A1CF: variants seen among roughly 807,000 people sequenced by gnomAD.
A1CF encodes the protein APOBEC-1 stimulating protein.
A1CF carries 48 observed loss-of-function variants against 68.9 expected under a neutral mutation model. That is an observed-to-expected ratio of 0.70 (90% CI 0.55 to 0.89). The LOEUF (loss-of-function observed/expected upper bound fraction) is 0.89, where lower values mean the gene tolerates loss of function less well. Among genes scored for constraint, A1CF ranks in the 40% least tolerant of loss-of-function variants. The probability of loss-of-function intolerance (pLI) is 0.00; values close to 1 mark genes in which losing one functional copy is unlikely to be tolerated. For missense variants in A1CF, 653 were observed against 718.9 expected, an observed-to-expected ratio of 0.91 and a Z score of 1.05; for synonymous variants, 272 against 260.4, an observed-to-expected ratio of 1.04 and a Z score of -0.43.
At chr10:50,842,037 T>C (rs1337993041) in intron 4 of A1CF, 45 bp from the exon 5 acceptor site, 4 of 1,539,146 alleles carry the variant, frequency 2.6e-6, no homozygotes, top group Non-Finnish European at 3.6e-6. Context: ...ACGTTTGTAC[T>C]TCTGAATGTA....
chr10:50,863,614 A>G (rs548704034), intron 2 of A1CF, among the ~76,000 whole-genome samples: 1 of 152,292 alleles, frequency 6.6e-6, no homozygotes, highest in Non-Finnish European at 1.5e-5. Context: ...CCCCCAAAAT[A>G]TCATGGAGTT....
chr10:50,801,867 A>G lies in A1CF; in HGVS notation c.*4862T>C, dbSNP rs1257943934. On this transcript the variant is annotated 3_prime_UTR_variant, in exon 13 of 13. Coordinates refer to ENST00000373997, the MANE Select transcript of A1CF (RefSeq NM_014576.4). ...GAATTTCATTATTAGTGAGAGTACA[A>G]GGTTTTCTTTTAGCTTTCCTACAAA... The G allele has an allele frequency of 6.6e-6, 1 of 152,134 alleles. No homozygotes were observed. Among genetic ancestry groups the G allele is most frequent in the East Asian group, 1.9e-4 (1 of 5,188 alleles). The allele number at this position is 152,134 out of a possible 1,614,324, so 9.4% of individuals were successfully genotyped here. A position where few individuals can be genotyped will look rare whatever the true frequency, so the allele number is the denominator to read the frequency against.
At chr10:50,811,543 T>C (rs1339564195) in intron 10 of A1CF, among the ~76,000 whole-genome samples, 1 of 152,222 alleles carries the variant, frequency 6.6e-6, no homozygotes, top group Non-Finnish European at 1.5e-5. Context: ...ATTATTACTC[T>C]CAATCTCTGT....
At chr10:50,842,674 T>C (rs1267409507) in intron 4 of A1CF, among the ~76,000 whole-genome samples, 1 of 152,212 alleles carries the variant, frequency 6.6e-6, no homozygotes, top group East Asian at 1.9e-4. Flanking sequence ...GAAATCTCCA[T>C]AGTTTAATTT....
chr10:50,880,454 C>T (rs565024152), intron 1 of A1CF, among the ~76,000 whole-genome samples: 2 of 152,094 alleles, frequency 1.3e-5, no homozygotes, highest in South Asian at 2.1e-4. Context: ...TTATCATCAT[C>T]GTAGGGTGCC....
At chr10:50,839,964 A>G (rs901943081) in intron 5 of A1CF, among the ~76,000 whole-genome samples, 1 of 151,712 alleles carries the variant, frequency 6.6e-6, no homozygotes, top group African/African-American at 2.4e-5. Flanking sequence ...CTGGTCTCAA[A>G]CTCCCAACCT....
chr10:50,848,365 A>C (rs1039439765), intron 3 of A1CF, among the ~76,000 whole-genome samples: 1 of 152,212 alleles, frequency 6.6e-6, no homozygotes, highest in African/African-American at 2.4e-5. Flanking sequence ...TATCATTCTC[A>C]ATTTGGTGAA....
chr10:50,828,312 C>A lies in A1CF; in HGVS notation c.605-17G>T. 1 of 1,514,652 alleles carries A rather than the reference C, an allele frequency of 6.6e-7. No individual in the cohort carries two copies. The highest frequency in any genetic ancestry group is 8.9e-7 in the Non-Finnish European group (1 of 1,120,558). 93.8% of individuals were successfully genotyped at this position (1,514,652 alleles called of 1,614,324 possible). A position where few individuals can be genotyped will look rare whatever the true frequency, so the allele number is the denominator to read the frequency against. On this transcript the variant is annotated splice_polypyrimidine_tract_variant and intron_variant, in intron 6 of 12. Transcript: ENST00000373997. Reference sequence around the variant, plus strand: ...GAATTCTTCCTGTTGAAAATGATCACCATTATGATTAATTATGTAGGAATC... The same window carrying A: ...GAATTCTTCCTGTTGAAAATGATCAACATTATGATTAATTATGTAGGAATC...
intron 2 of A1CF, among the ~76,000 whole-genome samples, chr10:50,860,721 T>G (rs929845893): frequency 6.6e-6 from 1 of 152,214 alleles, no homozygotes; most frequent in Non-Finnish European, 1.5e-5. Flanking sequence ...TTTCAGCATT[T>G]CATTGTCTAC....
chr10:50,854,252 G>A (rs1406324469), intron 3 of A1CF, among the ~76,000 whole-genome samples: 1 of 151,844 alleles, frequency 6.6e-6, no homozygotes, highest in African/African-American at 2.4e-5. Flanking sequence ...ATTCTTTACT[G>A]TATGTGAATA....
intron 2 of A1CF, chr10:50,862,755 C>A (rs41304623): frequency 6.6e-6 from 1 of 152,196 alleles, no homozygotes; most frequent in Admixed American, 6.5e-5. Flanking sequence ...TTAACTCTTG[C>A]TTTTTTCCCA....
chr10:50,821,827 G>A (rs1461039599), intron 7 of A1CF, among the ~76,000 whole-genome samples: 1 of 152,106 alleles, frequency 6.6e-6, no homozygotes, highest in Non-Finnish European at 1.5e-5. Context: ...ATGAGCCACC[G>A]TGCCTGGCCC....
chr10:50,878,197 C>A (rs1188135649), intron 1 of A1CF, among the ~76,000 whole-genome samples: 1 of 152,136 alleles, frequency 6.6e-6, no homozygotes, highest in African/African-American at 2.4e-5. Flanking sequence ...CTACTACAAG[C>A]CAGTGATGGG....
intron 3 of A1CF, among the ~76,000 whole-genome samples, chr10:50,849,094 T>C (rs867046302): frequency 1.3e-5 from 2 of 152,180 alleles, no homozygotes; most frequent in African/African-American, 4.8e-5. Context: ...ATAGATAGTT[T>C]AAGGAAAGTC....
At chr10:50,879,261 A>G (rs1841663412) in intron 1 of A1CF, among the ~76,000 whole-genome samples, 1 of 152,210 alleles carries the variant, frequency 6.6e-6, no homozygotes, top group Non-Finnish European at 1.5e-5. Flanking sequence ...TAGCAGCCCA[A>G]TTATTTTTTC....
intron 3 of A1CF, chr10:50,850,722 G>T (rs1840201402): frequency 6.2e-7 from 1 of 1,613,928 alleles, no homozygotes. Context: ...CTTTTTTGAG[G>T]CCAGGAATTG....
chr10:50,844,783 C>T (rs1036897560), intron 3 of A1CF, among the ~76,000 whole-genome samples: 2 of 152,120 alleles, frequency 1.3e-5, no homozygotes, highest in African/African-American at 4.8e-5. Flanking sequence ...TAGTTACTGT[C>T]AAAAATTTCA....
chr10:50,821,182 C>T (rs1273837257), intron 7 of A1CF, among the ~76,000 whole-genome samples: 1 of 152,070 alleles, frequency 6.6e-6, no homozygotes, highest in Non-Finnish European at 1.5e-5. Flanking sequence ...ACTGGATTCT[C>T]TATATCCTTA....
intron 10 of A1CF, 98 bp downstream of exon 10, chr10:50,813,759 C>G: frequency 7.7e-7 from 1 of 1,296,170 alleles, no homozygotes; most frequent in Non-Finnish European, 1.1e-6. Flanking sequence ...GAAAAAAACC[C>G]ATAGCTTGAG....
Sources: allele counts gnomAD v4.1 joint callset (sites outside exome capture counted in the v4.1 genomes callset), GRCh38; gene constraint gnomAD v4.1.1; transcripts MANE v1.5; gene names NCBI Gene and HGNC (gene_info 2026-07-23, HGNC 2026-07-21).